Variants in EXOC2 observed in about 807,000 individuals in gnomAD.
EXOC2 encodes the protein exocyst complex component 2, also known as SEC5-like 1.
A neutral mutation model predicts 131.8 loss-of-function variants in EXOC2; 70 were observed. The ratio of observed to expected loss-of-function variants is 0.53; its 90% confidence interval spans 0.44 to 0.65. The LOEUF is 0.65. Among genes scored for constraint, EXOC2 ranks in the 30% least tolerant of loss-of-function variants. The pLI is 0.00. For missense variants in EXOC2, 923 were observed against 1,108.6 expected, an observed-to-expected ratio of 0.83 and a Z score of 2.38; for synonymous variants, 411 against 398.4, an observed-to-expected ratio of 1.03 and a Z score of -0.38.
chr6:608,013 A>G (rs565860435), intron 7 of EXOC2, among the ~76,000 whole-genome samples: 3 of 152,286 alleles, frequency 2.0e-5, no homozygotes, highest in African/African-American at 7.2e-5. Flanking sequence ...CTGAAGAAAT[A>G]TCCATATACA....
Position 576,859 on chromosome 6 carries a change from T to A in EXOC2, c.1216A>T (p.Met406Leu), listed in dbSNP as rs776849375. The A allele has an allele frequency of 6.2e-7, 1 of 1,614,024 alleles. No homozygotes were observed. The highest frequency in any genetic ancestry group is 1.1e-5 in the South Asian group (1 of 91,050). Residue 406 changes from methionine (M) to leucine (L), a missense_variant, in exon 12 of 28, where the codon ATG becomes TTG. Met to Leu is a conservative substitution (Grantham distance 15, BLOSUM62 2). Transcript: ENST00000230449. Reference protein sequence around the residue: ...LKGNPGLHSPMLDLDNDTRPS... With the variant: ...LKGNPGLHSPLLDLDNDTRPS... ...CGTGTATCATTATCAAGATCCAACATGGGACTGTGCAGGCCTGGGTTACCT... is the reference window on the plus strand; with the variant it reads ...CGTGTATCATTATCAAGATCCAACAAGGGACTGTGCAGGCCTGGGTTACCT...
intron 1 of EXOC2, among the ~76,000 whole-genome samples, chr6:683,879 G>C (rs904839968): frequency 1.3e-5 from 2 of 152,220 alleles, no homozygotes; most frequent in East Asian, 3.8e-4. Context: ...TAAGCAGGCA[G>C]ATGCTATGGA....
intron 22 of EXOC2, among the ~76,000 whole-genome samples, chr6:543,416 T>C (rs926052590): frequency 6.6e-6 from 1 of 152,158 alleles, no homozygotes; most frequent in Non-Finnish European, 1.5e-5. Context: ...AAAGTCATTA[T>C]CATAGAAACA....
chr6:499,286 G>A (rs1018442216), intron 24 of EXOC2, among the ~76,000 whole-genome samples: 1 of 152,072 alleles, frequency 6.6e-6, no homozygotes, highest in East Asian at 1.9e-4. Flanking sequence ...GCTAAAAAGA[G>A]GTTAATTCAT....
intron 6 of EXOC2, among the ~76,000 whole-genome samples, chr6:617,101 G>T (rs1386269787): frequency 6.6e-6 from 1 of 152,020 alleles, no homozygotes; most frequent in Non-Finnish European, 1.5e-5. Context: ...CTATTAAAAA[G>T]AATTGAGTTA....
chr6:588,513 C>T (rs1759341366), intron 11 of EXOC2, among the ~76,000 whole-genome samples: 1 of 152,128 alleles, frequency 6.6e-6, no homozygotes, highest in Non-Finnish European at 1.5e-5. Flanking sequence ...TACCACCATA[C>T]CTGGCTAATT....
At chr6:558,752 G>T (rs1416651758) in intron 17 of EXOC2, among the ~76,000 whole-genome samples, 5 of 152,058 alleles carry the variant, frequency 3.3e-5, no homozygotes, top group African/African-American at 9.7e-5. Context: ...GGCAGATGTT[G>T]CAGTAAGCCG....
At chr6:487,084 C>T (rs1763113857) in intron 27 of EXOC2, among the ~76,000 whole-genome samples, 1 of 152,142 alleles carries the variant, frequency 6.6e-6, no homozygotes, top group East Asian at 1.9e-4. Context: ...ATAATTTACA[C>T]ACCTTCAAAT....
intron 10 of EXOC2, 76 bp from the exon 11 acceptor site, chr6:592,663 A>T: frequency 9.9e-7 from 1 of 1,013,136 alleles, no homozygotes; most frequent in Non-Finnish European, 1.5e-6. Context: ...TTAAAGGCTA[A>T]AATTTTATCA....
At chr6:553,742 G>C in intron 21 of EXOC2, 112 bp downstream of exon 21, 1 of 793,606 alleles carries the variant, frequency 1.3e-6, no homozygotes, top group Non-Finnish European at 2.2e-6. Context: ...GCACAGCACA[G>C]TGTCCTATAC....
chr6:551,507 A>G (rs963343077), intron 21 of EXOC2, among the ~76,000 whole-genome samples: 1 of 152,240 alleles, frequency 6.6e-6, no homozygotes, highest in African/African-American at 2.4e-5. Flanking sequence ...AATAGGCTCA[A>G]TGTGAGTCAG....
At chr6:607,083 G>C (rs975245536) in intron 7 of EXOC2, among the ~76,000 whole-genome samples, 2 of 152,142 alleles carry the variant, frequency 1.3e-5, no homozygotes, top group Non-Finnish European at 2.9e-5. Flanking sequence ...TTTACACAGC[G>C]ACGTGTGAAT....
chr6:691,956 A>T (rs1041269011), intron 1 of EXOC2, among the ~76,000 whole-genome samples: 2 of 152,230 alleles, frequency 1.3e-5, no homozygotes, highest in Non-Finnish European at 2.9e-5. Flanking sequence ...AGCACAAAAA[A>T]ATCATCTTTG....
intron 23 of EXOC2, among the ~76,000 whole-genome samples, chr6:520,781 G>A (rs1466215021): frequency 1.5e-5 from 2 of 134,366 alleles, no homozygotes; most frequent in Admixed American, 7.3e-5. Context: ...ACCACCCACC[G>A]AGCACCAACA....
At chr6:607,979 T>TA (rs1372407105) in intron 7 of EXOC2, among the ~76,000 whole-genome samples, 3 of 151,912 alleles carry the variant, frequency 2.0e-5, no homozygotes, top group Non-Finnish European at 4.4e-5. Flanking sequence ...ATTGCCCAAT[T>TA]TAAAAAAAAA....
intron 1 of EXOC2, among the ~76,000 whole-genome samples, chr6:667,915 G>A (rs1247578916): frequency 1.2e-4 from 17 of 145,288 alleles, no homozygotes; most frequent in African/African-American, 4.1e-4. Flanking sequence ...CCATCCATCC[G>A]TCCATATCCT....
intron 1 of EXOC2, among the ~76,000 whole-genome samples, chr6:663,946 G>C (rs1763524908): frequency 6.6e-6 from 1 of 152,136 alleles, no homozygotes; most frequent in Non-Finnish European, 1.5e-5. Flanking sequence ...AGAGCAATCA[G>C]ACAAGAGAAA....
chr6:689,326 CA>C (rs1207964662), intron 1 of EXOC2: 1 of 152,224 alleles, frequency 6.6e-6, no homozygotes, highest in Non-Finnish European at 1.5e-5. Context: ...AAAGGATGTT[CA>C]GGAAGCTTTT....
intron 17 of EXOC2, among the ~76,000 whole-genome samples, chr6:558,437 T>C (rs1445133100): frequency 6.6e-6 from 1 of 152,156 alleles, no homozygotes; most frequent in African/African-American, 2.4e-5. Context: ...CCTCAGAAGG[T>C]ATGAAAATTT....
Sources: allele counts gnomAD v4.1 joint callset (sites outside exome capture counted in the v4.1 genomes callset), GRCh38; gene constraint gnomAD v4.1.1; transcripts MANE v1.5; gene names NCBI Gene and HGNC (gene_info 2026-07-23, HGNC 2026-07-21).